THADA: variants seen among roughly 807,000 people sequenced by gnomAD.
THADA encodes tRNA (32-2'-O)-methyltransferase regulator THADA.
THADA carries 213 observed loss-of-function variants against 219.8 expected under a neutral mutation model. The observed-to-expected ratio is 0.97, with a 90% CI of 0.87 to 1.09. THADA has a LOEUF of 1.09. Ranked by LOEUF, THADA falls within the 50% of genes least tolerant of loss-of-function variation. THADA has a pLI of 0.00. For missense variants in THADA, 2,956 were observed against 2,311.3 expected (o/e 1.28, Z -5.72); for synonymous variants, 1,018 against 828.9 (o/e 1.23, Z -3.92).
chr2:43,297,515 C>T lies in THADA; in HGVS notation c.4439-4302G>A, dbSNP rs1406665283. Among the ~76,000 whole-genome samples, 12 of 116,980 alleles carry T rather than the reference C, an allele frequency of 1.0e-4. 1 individual carries two copies. The highest frequency in any genetic ancestry group is 4.6e-4 in the Admixed American group (6 of 13,180). 76.7% of individuals were successfully genotyped at this position (116,980 alleles called of 152,430 possible). A position where few individuals can be genotyped will look rare whatever the true frequency, so the allele number is the denominator to read the frequency against. On this transcript the variant is annotated intron_variant, in intron 31 of 37. Transcript: ENST00000405975. ...GAGGGAGGTGGGCGGTCAGCCCCCC[C>T]GCCCGGCCAGCCGTGCCGTCCGGGA... is the stretch of plus-strand genomic sequence containing the variant.
At chr2:43,434,329 GGGA>G (rs1302841801) in intron 26 of THADA, among the ~76,000 whole-genome samples, 9 of 152,220 alleles carry the variant, frequency 5.9e-5, no homozygotes, top group Non-Finnish European at 2.9e-5. Flanking sequence ...GGGAAGTGCT[GGGA>G]GGAGAAGGGC....
intron 29 of THADA, among the ~76,000 whole-genome samples, chr2:43,376,466 GACA>G (rs1445497138): frequency 2.6e-5 from 4 of 152,294 alleles, no homozygotes; most frequent in African/African-American, 9.6e-5. Flanking sequence ...GATGCCCTCA[GACA>G]ACGATAAAGA....
intron 29 of THADA, among the ~76,000 whole-genome samples, chr2:43,347,346 G>A (rs187741435): frequency 2.0e-4 from 30 of 152,316 alleles, no homozygotes; most frequent in Admixed American, 1.8e-3. Context: ...TCCATGTTCT[G>A]TCTGCTCCCT....
In THADA at chr2:43,585,989, G is replaced by A. The variant is rs186665135; in HGVS notation, c.533+412C>T. On this transcript the variant is annotated intron_variant, in intron 7 of 37. Transcript: ENST00000405975. Reference sequence around the variant, plus strand: ...TAATATTAATGGAGAAAGGGGCTGGGCATAGTGACTAACGCCTGTAATCTC... The same window carrying A: ...TAATATTAATGGAGAAAGGGGCTGGACATAGTGACTAACGCCTGTAATCTC... Among the ~76,000 whole-genome samples, 17 of 152,090 alleles carry A rather than the reference G, an allele frequency of 1.1e-4. No homozygotes were observed. The East Asian group carries it at 3.3e-3, about 29-fold the overall frequency.
At position 43,320,403 on chromosome 2, in the gene THADA, G is replaced by T. The variant is rs778486727; in HGVS notation, c.4438+43C>A. 1.3e-5 allele frequency: 19 copies of T among 1,474,010 alleles called. No homozygotes were observed. In the East Asian group the frequency reaches 3.2e-4, roughly 25 times the overall value. 91.3% of individuals were successfully genotyped at this position (1,474,010 alleles called of 1,614,324 possible). On this transcript the variant is annotated intron_variant, in intron 31 of 37. Coordinates refer to ENST00000405975, the MANE Select transcript of THADA (RefSeq NM_022065.5). Reference sequence around the variant, plus strand: ...CTCAAAACGCCATCCACATTTCAAAGATGTGTAACGATTCCAAAATACAGT... The same window carrying T: ...CTCAAAACGCCATCCACATTTCAAATATGTGTAACGATTCCAAAATACAGT...
intron 22 of THADA, among the ~76,000 whole-genome samples, chr2:43,520,713 T>TACACACACAC (rs145550774): frequency 2.4e-5 from 3 of 125,124 alleles, no homozygotes; most frequent in African/African-American, 8.9e-5. Flanking sequence ...TATATATATA[T>TACACACACAC]ACACACACAC....
chr2:43,355,977 TGTA>T (rs1403050668), intron 29 of THADA, among the ~76,000 whole-genome samples: 1 of 152,162 alleles, frequency 6.6e-6, no homozygotes, highest in Non-Finnish European at 1.5e-5. Flanking sequence ...AATAGCTTAG[TGTA>T]TAGGACACAA....
At chr2:43,232,575 A>AC in intron 37 of THADA, 138 bp downstream of exon 37, 3 of 907,570 alleles carry the variant, frequency 3.3e-6, no homozygotes, top group Non-Finnish European at 5.0e-6. Flanking sequence ...CCTCGGCAGC[A>AC]CCCAGTGGGT....
chr2:43,527,770 C>G, intron 22 of THADA, 109 bp downstream of exon 22: 1 of 702,228 alleles, frequency 1.4e-6, no homozygotes, highest in South Asian at 2.3e-5. Context: ...TTGTAGTCAA[C>G]CAGGTCTTAT....
At chr2:43,435,237 C>A (rs1323243734) in intron 26 of THADA, among the ~76,000 whole-genome samples, 1 of 151,944 alleles carries the variant, frequency 6.6e-6, no homozygotes, top group Non-Finnish European at 1.5e-5. Context: ...AGAGGATCAC[C>A]TGAGGTCGGG....
At chr2:43,356,752 G>GA (rs1174021549) in intron 29 of THADA, among the ~76,000 whole-genome samples, 1 of 152,048 alleles carries the variant, frequency 6.6e-6, no homozygotes, top group Admixed American at 6.6e-5. Flanking sequence ...GTGGCTGTGT[G>GA]AAAAAATAAA....
chr2:43,376,719 T>C (rs1165037182), intron 29 of THADA, among the ~76,000 whole-genome samples: 1 of 152,152 alleles, frequency 6.6e-6, no homozygotes, highest in African/African-American at 2.4e-5. Flanking sequence ...AACACACTTA[T>C]CTCTACCCAT....
chr2:43,435,145 C>T (rs1409205509), intron 26 of THADA, among the ~76,000 whole-genome samples: 4 of 152,150 alleles, frequency 2.6e-5, no homozygotes, highest in Admixed American at 6.5e-5. Flanking sequence ...GACTTCAAGG[C>T]TTTAAAACAG....
intron 26 of THADA, among the ~76,000 whole-genome samples, chr2:43,473,016 T>A (rs904642849): frequency 1.3e-5 from 2 of 152,150 alleles, no homozygotes; most frequent in East Asian, 1.9e-4. Context: ...TGGGTGAACA[T>A]GAAGGCCTAG....
chr2:43,374,772 G>C (rs1247719847), intron 29 of THADA, among the ~76,000 whole-genome samples: 1 of 151,908 alleles, frequency 6.6e-6, no homozygotes, highest in Non-Finnish European at 1.5e-5. Context: ...TTTTAAAAAT[G>C]ACAATAAAAG....
rs147521898 is a variant in THADA, at chr2:43,592,810, T to C, written c.-24-394A>G. ...GAACATACACACAAAAAAACTGGGA[T>C]AGTTTTTCCAAAGATAAAATACTTC... On this transcript the variant is annotated intron_variant, in intron 1 of 37. Coordinates refer to ENST00000405975, the MANE Select transcript of THADA (RefSeq NM_022065.5). The C allele has an allele frequency of 6.4e-3, 989 of 154,946 alleles. 15 individuals are homozygous for C. The highest frequency in any genetic ancestry group is 0.022 in the African/African-American group (934 of 41,688). The allele number at this position is 154,946 out of a possible 1,614,324, so 9.6% of individuals were successfully genotyped here.
chr2:43,300,033 C>CAA (rs538753350), intron 31 of THADA, among the ~76,000 whole-genome samples: 5 of 83,576 alleles, frequency 6.0e-5, no homozygotes, highest in Admixed American at 1.2e-4. Context: ...TGTCTCAAGG[C>CAA]AAAAAAAAAA....
intron 13 of THADA, among the ~76,000 whole-genome samples, chr2:43,570,907 C>G (rs1699220617): frequency 6.6e-6 from 1 of 152,192 alleles, no homozygotes; most frequent in Non-Finnish European, 1.5e-5. Context: ...TTAACTCCAG[C>G]ATTAGACTTT....
intron 30 of THADA, among the ~76,000 whole-genome samples, chr2:43,331,309 C>G (rs1338600724): frequency 6.6e-6 from 1 of 152,214 alleles, no homozygotes; most frequent in African/African-American, 2.4e-5. Flanking sequence ...ACTAGCTGCC[C>G]AGGCAGGCAA....
Sources: gnomAD v4.1 joint callset for allele counts (sites outside exome capture counted in the v4.1 genomes callset) on GRCh38, gnomAD v4.1.1 for gene constraint, MANE v1.5 for transcripts, NCBI Gene and HGNC (gene_info 2026-07-23, HGNC 2026-07-21) for gene names.